Variants in UXS1 observed in about 807,000 individuals in gnomAD.
The protein encoded by UXS1 is UDP-glucuronic acid decarboxylase 1.
In UXS1, 33 loss-of-function variants were observed where a neutral mutation model predicts 62.6. That is an observed-to-expected ratio of 0.53 (90% CI 0.40 to 0.70). UXS1 has a LOEUF of 0.70. Ranked by LOEUF, UXS1 falls within the 30% of genes least tolerant of loss-of-function variation. The pLI, the probability that UXS1 is intolerant of heterozygous loss-of-function variation, is 0.00. For synonymous variants in UXS1, 213 were observed against 206.8 expected (o/e 1.03, Z -0.26); for missense variants, 434 against 556.3 (o/e 0.78, Z 2.21).
chr2:106,138,833 G>A, intron 6 of UXS1: 4 of 985,400 alleles, frequency 4.1e-6, no homozygotes, highest in Non-Finnish European at 4.8e-6. Context: ...CCTCTCCTTT[G>A]AGAATGTGTT....
chr2:106,148,594 G>A (rs1681768957), intron 5 of UXS1, among the ~76,000 whole-genome samples: 2 of 152,128 alleles, frequency 1.3e-5, no homozygotes, highest in Non-Finnish European at 2.9e-5. Context: ...ACCTTAGCTT[G>A]ACTAAAATGC....
chr2:106,109,278 C>G lies in UXS1; in HGVS notation c.879+3368G>C, dbSNP rs1014073032. 3.3e-5 allele frequency among the ~76,000 whole-genome samples: 5 copies of G among 152,238 alleles called. No individual in the cohort carries two copies. In the South Asian group the frequency reaches 1.0e-3, roughly 32 times the overall value. ...TTAGTACCATTGAATAACTGTTTAA[C>G]AAATCCTATGGCTTTCCGCCACAAA... On this transcript the variant is annotated intron_variant, in intron 10 of 14. Coordinates refer to ENST00000283148, the MANE Select transcript of UXS1 (RefSeq NM_001253875.2).
At chr2:106,177,642 G>A (rs1683976933) in intron 1 of UXS1, among the ~76,000 whole-genome samples, 1 of 152,192 alleles carries the variant, frequency 6.6e-6, no homozygotes, top group East Asian at 1.9e-4. Context: ...TTTTAAGTCT[G>A]TACAGGATGC....
At chr2:106,150,090 T>TA (rs879726140) in intron 5 of UXS1, among the ~76,000 whole-genome samples, 3 of 152,290 alleles carry the variant, frequency 2.0e-5, no homozygotes, top group Admixed American at 2.0e-4. Context: ...AGGCAAAATT[T>TA]ACAAGCCATG....
At chr2:106,124,239 A>T (rs1450865362) in intron 8 of UXS1, among the ~76,000 whole-genome samples, 1 of 152,220 alleles carries the variant, frequency 6.6e-6, no homozygotes, top group Non-Finnish European at 1.5e-5. Flanking sequence ...AGAGCTGGGC[A>T]AGCTACCCTC....
chr2:106,126,274 G>T (rs1353540707), intron 7 of UXS1, among the ~76,000 whole-genome samples: 2 of 152,160 alleles, frequency 1.3e-5, no homozygotes, highest in Non-Finnish European at 2.9e-5. Flanking sequence ...TATCTATGGT[G>T]GTCAAGTAAG....
chr2:106,106,816 C>A (rs763172418), intron 10 of UXS1, among the ~76,000 whole-genome samples: 25 of 152,278 alleles, frequency 1.6e-4, no homozygotes, highest in Middle Eastern at 3.4e-3. Flanking sequence ...TACACCAGTG[C>A]CGTAGGTGTA....
In UXS1 at chr2:106,146,453, C is replaced by T. The variant is rs896586820; in HGVS notation, c.292-1083G>A. On this transcript the variant is annotated intron_variant, in intron 5 of 14. Transcript: ENST00000283148. The stretch of plus-strand genomic sequence containing the variant: ...TTTAAAATAAATGAAATCTCACACA[C>T]GATGAAGTATTCACCACGGTGAGAG... Among the ~76,000 whole-genome samples the T allele has an allele frequency of 3.3e-5, 5 of 152,276 alleles. 1 individual carries two copies. The highest frequency in any genetic ancestry group is 1.3e-4 in the Admixed American group (2 of 15,296).
intron 4 of UXS1, chr2:106,159,461 C>A (rs574101180): frequency 6.6e-6 from 1 of 152,248 alleles, no homozygotes. Context: ...TCTTTTGATA[C>A]CCTCTTGCTG....
chr2:106,098,720 A>G lies in UXS1; in HGVS notation c.1038T>C (p.Leu346=). The change falls in exon 13 of 15, where the codon CTT becomes CTC. Residue 346 remains leucine (L), a synonymous_variant. Transcript: ENST00000283148. ...GAAATGACTTATCCTACTTACCAAC[A>G]AGGTTTTTAATTAACTGAGCAAATT... The part of the protein sequence containing the change: ...ILEFAQLIKN[L]VGSGSEIQFL... The G allele has an allele frequency of 6.2e-7, 1 of 1,610,430 alleles. No homozygotes were observed. Among genetic ancestry groups the G allele is most frequent in the Non-Finnish European group, 8.5e-7 (1 of 1,178,078 alleles).
chr2:106,097,270 C>T (rs1677199098), intron 13 of UXS1: 1 of 450,940 alleles, frequency 2.2e-6, no homozygotes. Context: ...CTAGACAGCC[C>T]TGAGACCCAA....
chr2:106,098,227 C>A (rs1052081738), intron 13 of UXS1, among the ~76,000 whole-genome samples: 1 of 152,226 alleles, frequency 6.6e-6, no homozygotes, highest in African/African-American at 2.4e-5. Flanking sequence ...GTCTGGAAGA[C>A]CTGACCTTCT....
intron 10 of UXS1, among the ~76,000 whole-genome samples, chr2:106,110,884 A>G (rs1678534851): frequency 6.6e-6 from 1 of 152,244 alleles, no homozygotes; most frequent in East Asian, 1.9e-4. Context: ...GCCTGGTGCC[A>G]TAATGCAGAG....
chr2:106,138,613 CG>C, intron 6 of UXS1: 1 of 985,534 alleles, frequency 1.0e-6, no homozygotes, highest in Non-Finnish European at 1.2e-6. Flanking sequence ...AAGAGATGAG[CG>C]TAAACTGGGG....
At chr2:106,105,721 C>T (rs1449802576) in intron 10 of UXS1, among the ~76,000 whole-genome samples, 2 of 152,218 alleles carry the variant, frequency 1.3e-5, no homozygotes, top group African/African-American at 2.4e-5. Flanking sequence ...GAATGACCTG[C>T]GGAGCGCCAC....
chr2:106,117,712 C>G (rs890475446), intron 9 of UXS1, among the ~76,000 whole-genome samples: 2 of 152,178 alleles, frequency 1.3e-5, no homozygotes, highest in Non-Finnish European at 2.9e-5. Context: ...TCTGACGCTT[C>G]TCTCAGAGAA....
chr2:106,181,325 C>A (rs1043096917), intron 1 of UXS1, among the ~76,000 whole-genome samples: 11 of 152,230 alleles, frequency 7.2e-5, no homozygotes, highest in Non-Finnish European at 1.5e-4. Context: ...GGCCCCAGCT[C>A]CCGGCACATG....
chr2:106,120,465 T>C (rs982544175), intron 9 of UXS1, among the ~76,000 whole-genome samples: 2 of 152,186 alleles, frequency 1.3e-5, no homozygotes, highest in African/African-American at 4.8e-5. Flanking sequence ...CACACCTGCT[T>C]ACATGCCTCC....
intron 1 of UXS1, among the ~76,000 whole-genome samples, chr2:106,193,532 G>A (rs1347074309): frequency 1.3e-5 from 2 of 151,996 alleles, no homozygotes; most frequent in Non-Finnish European, 2.9e-5. Context: ...CCACCCAGCT[G>A]CCTGCCTGCT....
Sources: allele counts gnomAD v4.1 joint callset (sites outside exome capture counted in the v4.1 genomes callset), GRCh38; gene constraint gnomAD v4.1.1; transcripts MANE v1.5; gene names NCBI Gene and HGNC (gene_info 2026-07-23, HGNC 2026-07-21).